Variants in GABRG3 observed in about 807,000 individuals in gnomAD.
The protein encoded by GABRG3 is gamma-aminobutyric acid receptor subunit gamma-3.
GABRG3 carries 25 observed loss-of-function variants against 48.8 expected under a neutral mutation model. The ratio of observed to expected loss-of-function variants is 0.51; its 90% CI spans 0.37 to 0.72. The LOEUF (loss-of-function observed/expected upper bound fraction) is 0.72. GABRG3 is among the 30% of genes least tolerant of loss of function. The pLI is 0.00. For synonymous variants in GABRG3, 227 were observed against 217.6 expected, an observed-to-expected ratio of 1.04 and a Z score of -0.38; for missense variants, 394 against 577.9, an observed-to-expected ratio of 0.68 and a Z score of 3.26.
rs549718009 is a variant in GABRG3 at position 27,231,496 on chromosome 15, G to A, written c.271-95313G>A. Among the ~76,000 whole-genome samples the A allele has an allele frequency of 4.6e-5, 7 of 152,294 alleles. 1 individual carries two copies. The highest frequency in any genetic ancestry group is 1.7e-4 in the African/African-American group (7 of 41,560). On this transcript the variant is annotated intron_variant, in intron 3 of 9. Coordinates refer to ENST00000615808, the MANE Select transcript of GABRG3 (RefSeq NM_033223.5). ...AGAAGAGGGCTTGGTCCATTCCAAG[G>A]AGATTTTAGACCTGAGGGAAGTCAC...
chr15:27,015,781 A>C (rs1168881105), intron 2 of GABRG3, among the ~76,000 whole-genome samples: 1 of 152,138 alleles, frequency 6.6e-6, no homozygotes, highest in East Asian at 1.9e-4. Flanking sequence ...CCATTACATG[A>C]AATATAACAA....
At chr15:27,348,627 A>G (rs982461014) in intron 5 of GABRG3, among the ~76,000 whole-genome samples, 2 of 152,194 alleles carry the variant, frequency 1.3e-5, no homozygotes, top group African/African-American at 4.8e-5. Context: ...CCTCTTTCCA[A>G]TGATTAAGTG....
chr15:27,085,546 A>G (rs1897061753), intron 3 of GABRG3, among the ~76,000 whole-genome samples: 1 of 152,224 alleles, frequency 6.6e-6, no homozygotes, highest in Non-Finnish European at 1.5e-5. Flanking sequence ...AAAAAATTTG[A>G]AATATATTGT....
rs1434828947 is a variant in GABRG3 at position 27,540,276 on chromosome 15, T to A, written c.*7395T>A. ...TTGTTGATTGCTTTCTCTCTTTTTT[T>A]TTCCGTTTTTACCTTAGTTGGCTAT... On this transcript the variant is annotated 3_prime_UTR_variant, in exon 10 of 10. Coordinates refer to ENST00000615808, the MANE Select transcript of GABRG3 (RefSeq NM_033223.5). The A allele has an allele frequency of 1.3e-5, 2 of 152,226 alleles. No individual in the cohort carries two copies. The highest frequency in any genetic ancestry group is 6.5e-5 in the Admixed American group (1 of 15,284). 9.4% of individuals were successfully genotyped at this position (152,226 alleles called of 1,614,324 possible). A position where few individuals can be genotyped will look rare whatever the true frequency, so the allele number is the denominator to read the frequency against.
chr15:27,287,850 G>A (rs8033419), intron 3 of GABRG3, among the ~76,000 whole-genome samples: 3,163 of 148,822 alleles, frequency 0.021, 108 homozygotes, highest in African/African-American at 0.074. Flanking sequence ...ACCATTCTCC[G>A]GCCTCAGTCT....
chr15:27,410,621 G>T (rs1441279318), intron 5 of GABRG3, among the ~76,000 whole-genome samples: 3 of 152,048 alleles, frequency 2.0e-5, no homozygotes, highest in African/African-American at 4.8e-5. Context: ...TGAATCCAAG[G>T]TACTGTCTAT....
At chr15:27,159,983 C>CA (rs1887114752) in intron 3 of GABRG3, among the ~76,000 whole-genome samples, 1 of 152,276 alleles carries the variant, frequency 6.6e-6, no homozygotes, top group Admixed American at 6.5e-5. Flanking sequence ...GCCACAGACT[C>CA]AGATTACCCT....
intron 3 of GABRG3, among the ~76,000 whole-genome samples, chr15:27,299,677 C>T (rs1162454880): frequency 6.6e-6 from 1 of 152,058 alleles, no homozygotes; most frequent in Non-Finnish European, 1.5e-5. Context: ...GCATCTGGAG[C>T]CCAGAAACAC....
chr15:27,303,800 G>T (rs1338328387), intron 3 of GABRG3, among the ~76,000 whole-genome samples: 1 of 145,796 alleles, frequency 6.9e-6, no homozygotes, highest in African/African-American at 2.6e-5. Flanking sequence ...ATATCTATTT[G>T]TGTGTGTGTG....
chr15:26,971,644 G>T, intron 1 of GABRG3, 56 bp downstream of exon 1: 1 of 1,501,668 alleles, frequency 6.7e-7, no homozygotes. Context: ...ACAGGGCGGC[G>T]GGGGGCGCTG....
intron 3 of GABRG3, among the ~76,000 whole-genome samples, chr15:27,095,789 G>A (rs919509396): frequency 6.6e-6 from 1 of 152,064 alleles, no homozygotes; most frequent in Non-Finnish European, 1.5e-5. Context: ...CGGGAAGCAC[G>A]TGCCTTCCTC....
chr15:27,427,645 A>G (rs1351896466), intron 5 of GABRG3, among the ~76,000 whole-genome samples: 4 of 152,206 alleles, frequency 2.6e-5, no homozygotes, highest in African/African-American at 9.6e-5. Context: ...CAAGATTTGG[A>G]TTCAAAGCCC....
chr15:27,397,802 A>ATTT (rs10562407), intron 5 of GABRG3, among the ~76,000 whole-genome samples: 1 of 122,316 alleles, frequency 8.2e-6, no homozygotes, highest in Non-Finnish European at 1.7e-5. Context: ...TCTCTGAAAA[A>ATTT]TTTTTTTTTT....
intron 5 of GABRG3, among the ~76,000 whole-genome samples, chr15:27,442,966 G>T (rs1490108290): frequency 6.6e-6 from 1 of 152,166 alleles, no homozygotes; most frequent in Non-Finnish European, 1.5e-5. Context: ...GCCCTTTATG[G>T]CACCAGAGCT....
chr15:27,354,062 C>T (rs1033116091), intron 5 of GABRG3, among the ~76,000 whole-genome samples: 5 of 152,146 alleles, frequency 3.3e-5, no homozygotes, highest in Admixed American at 3.3e-4. Context: ...ATTGCACAGT[C>T]ATCACTTTGG....
chr15:27,369,664 A>G (rs9673041), intron 5 of GABRG3, among the ~76,000 whole-genome samples: 28,118 of 151,706 alleles, frequency 0.19, 4,548 homozygotes, highest in African/African-American at 0.44. Flanking sequence ...AAAATTAACC[A>G]GACGTGGTAG....
chr15:27,432,542 A>G (rs909836628), intron 5 of GABRG3, among the ~76,000 whole-genome samples: 16 of 152,184 alleles, frequency 1.1e-4, no homozygotes, highest in African/African-American at 3.4e-4. Context: ...ATCACCTCAG[A>G]GAGGCCTCTG....
chr15:27,210,422 C>T (rs1231066824), intron 3 of GABRG3, among the ~76,000 whole-genome samples: 1 of 152,238 alleles, frequency 6.6e-6, no homozygotes, highest in Non-Finnish European at 1.5e-5. Context: ...TATTGTCCTC[C>T]TGGCTTTGAG....
At chr15:27,020,272 G>A (rs1323745297) in intron 2 of GABRG3, among the ~76,000 whole-genome samples, 1 of 152,174 alleles carries the variant, frequency 6.6e-6, no homozygotes, top group Non-Finnish European at 1.5e-5. Context: ...CATCCTCACT[G>A]CTGGTGTGGG....
Sources: gnomAD v4.1 joint callset for allele counts (sites outside exome capture counted in the v4.1 genomes callset) on GRCh38, gnomAD v4.1.1 for gene constraint, MANE v1.5 for transcripts, NCBI Gene and HGNC (gene_info 2026-07-23, HGNC 2026-07-21) for gene names.